CALN1: variants seen among roughly 807,000 people sequenced by gnomAD.
The protein encoded by CALN1 is calcium-binding protein 8.
A neutral mutation model predicts 30.6 loss-of-function variants in CALN1; 17 were observed. The observed-to-expected ratio is 0.56, with a 90% CI of 0.38 to 0.83. The LOEUF (loss-of-function observed/expected upper bound fraction) is 0.83. Among genes scored for constraint, CALN1 ranks in the 40% least tolerant of loss-of-function variants. CALN1 has a pLI of 0.00. For missense variants in CALN1, 291 were observed against 354.9 expected (o/e 0.82, Z 1.45); for synonymous variants, 156 against 131.4 (o/e 1.19, Z -1.28).
chr7:71,835,804 C>T (rs942171897), intron 5 of CALN1, among the ~76,000 whole-genome samples: 2 of 152,130 alleles, frequency 1.3e-5, no homozygotes, highest in Non-Finnish European at 2.9e-5. Flanking sequence ...TGAGGGCATC[C>T]GAGCAGCCAT....
intron 1 of CALN1, among the ~76,000 whole-genome samples, chr7:72,429,222 A>T (rs1464087791): frequency 6.6e-6 from 1 of 152,182 alleles, no homozygotes; most frequent in Admixed American, 6.5e-5. Flanking sequence ...GGATTCAGAT[A>T]TTGACATTAG....
chr7:72,144,048 T>A (rs1351283916), intron 3 of CALN1, among the ~76,000 whole-genome samples: 1 of 152,062 alleles, frequency 6.6e-6, no homozygotes, highest in African/African-American at 2.4e-5. Flanking sequence ...CCATCGAGGC[T>A]AGGAAGAAAC....
rs113614166 is a variant in CALN1 at position 71,831,259 on chromosome 7, T to C, written c.502-20767A>G. Among the ~76,000 whole-genome samples the C allele has an allele frequency of 8.5e-3, 1,289 of 152,202 alleles. 15 individuals are homozygous for C. Among genetic ancestry groups the C allele is most frequent in the African/African-American group, 0.029 (1,225 of 41,534 alleles). On this transcript the variant is annotated intron_variant, in intron 5 of 6. Coordinates refer to ENST00000395275, the MANE Select transcript of CALN1 (RefSeq NM_031468.4). Reference sequence around the variant, plus strand: ...ATTTTGGAAGGCCGAGGCAGGTGGATCATGAGATCAGGAGTTCAAGATCAG... The same window carrying C: ...ATTTTGGAAGGCCGAGGCAGGTGGACCATGAGATCAGGAGTTCAAGATCAG...
At chr7:72,259,053 C>T (rs921257215) in intron 3 of CALN1, among the ~76,000 whole-genome samples, 3 of 151,446 alleles carry the variant, frequency 2.0e-5, no homozygotes, top group Non-Finnish European at 2.9e-5. Context: ...TGCACTCCAG[C>T]CTGGGCGACA....
intron 5 of CALN1, among the ~76,000 whole-genome samples, chr7:72,001,101 G>T (rs1799506228): frequency 2.6e-5 from 4 of 151,990 alleles, no homozygotes; most frequent in Admixed American, 2.6e-4. Context: ...ACAGTAATTG[G>T]TTGTAGCCAG....
chr7:72,127,738 G>T (rs1465530265), intron 3 of CALN1, among the ~76,000 whole-genome samples: 1 of 152,166 alleles, frequency 6.6e-6, no homozygotes, highest in Admixed American at 6.5e-5. Context: ...TAGGGTGATG[G>T]CAACATTTGC....
intron 5 of CALN1, among the ~76,000 whole-genome samples, chr7:71,901,426 C>CA (rs35289312): frequency 0.02 from 2,695 of 132,660 alleles, 30 homozygotes; most frequent in South Asian, 0.036. Flanking sequence ...CATATGGAAC[C>CA]AAAAAAAAAA....
At chr7:72,117,718 G>A (rs12668647) in intron 3 of CALN1, among the ~76,000 whole-genome samples, 5 of 151,930 alleles carry the variant, frequency 3.3e-5, no homozygotes, top group African/African-American at 1.2e-4. Flanking sequence ...AGCACTTTGG[G>A]AGGCCAAGCT....
At chr7:72,425,078 G>A (rs1807753302) in intron 1 of CALN1, among the ~76,000 whole-genome samples, 1 of 152,130 alleles carries the variant, frequency 6.6e-6, no homozygotes, top group Admixed American at 6.6e-5. Flanking sequence ...AAGGACCTAA[G>A]GACCTCAGAG....
At chr7:71,874,279 T>TAAAAAAAAAA (rs57423286) in intron 5 of CALN1, among the ~76,000 whole-genome samples, 2 of 97,636 alleles carry the variant, frequency 2.0e-5, no homozygotes, top group Non-Finnish European at 2.0e-5. Context: ...TCTCAAACAT[T>TAAAAAAAAAA]AAAAAAAAAA....
intron 2 of CALN1, among the ~76,000 whole-genome samples, chr7:72,393,605 A>G (rs747865251): frequency 2.0e-5 from 3 of 152,188 alleles, no homozygotes; most frequent in Non-Finnish European, 2.9e-5. Flanking sequence ...ATCAGATGTC[A>G]GATGTACTCT....
upstream of CALN1, among the ~76,000 whole-genome samples, chr7:72,416,242 A>G (rs150152009): frequency 6.6e-6 from 1 of 152,318 alleles, no homozygotes; most frequent in Non-Finnish European, 1.5e-5. Context: ...CAATTTCTGA[A>G]TAGCCTGCTC....
At chr7:72,339,297 C>T (rs967055180) in intron 2 of CALN1, among the ~76,000 whole-genome samples, 12 of 152,086 alleles carry the variant, frequency 7.9e-5, no homozygotes, top group East Asian at 1.9e-4. Flanking sequence ...GATACCTCTT[C>T]GATATACTAA....
intron 2 of CALN1, among the ~76,000 whole-genome samples, chr7:72,335,235 A>C (rs778979380): frequency 2.6e-5 from 4 of 152,256 alleles, no homozygotes; most frequent in Non-Finnish European, 5.9e-5. Context: ...TATGAAAAAC[A>C]CGTCCTGTTC....
Position 71,974,821 on chromosome 7 carries a change from G to T in CALN1, c.501+48836C>A, listed in dbSNP as rs1798023354. Among the ~76,000 whole-genome samples the T allele has an allele frequency of 3.9e-5, 6 of 152,324 alleles. No homozygotes were observed. The South Asian group carries it at 1.2e-3, about 32-fold the overall frequency. ...CGGTCACCACCTGGCCTACGGCTCT[G>T]TAGCTCCGAGGTTGGACTGGTGCAA... On this transcript the variant is annotated intron_variant, in intron 5 of 6. Coordinates refer to ENST00000395275, the MANE Select transcript of CALN1 (RefSeq NM_031468.4).
At chr7:71,922,784 A>G (rs1396998860) in intron 5 of CALN1, among the ~76,000 whole-genome samples, 2 of 140,848 alleles carry the variant, frequency 1.4e-5, no homozygotes, top group Admixed American at 7.6e-5. Context: ...ATATAAATAT[A>G]TAACAGACCG....
At chr7:72,056,532 C>G (rs1440994086) in intron 4 of CALN1, among the ~76,000 whole-genome samples, 1 of 151,918 alleles carries the variant, frequency 6.6e-6, no homozygotes, top group Non-Finnish European at 1.5e-5. Flanking sequence ...TACTCTAGAA[C>G]ATGAATTAGA....
At chr7:72,294,322 A>C (rs759815147) in intron 2 of CALN1, among the ~76,000 whole-genome samples, 2 of 152,216 alleles carry the variant, frequency 1.3e-5, no homozygotes, top group South Asian at 2.1e-4. Flanking sequence ...AAAAACATTG[A>C]AGTACAGTGA....
intron 5 of CALN1, among the ~76,000 whole-genome samples, chr7:71,925,892 G>A (rs1341308076): frequency 6.6e-6 from 1 of 150,774 alleles, no homozygotes; most frequent in African/African-American, 2.5e-5. Context: ...CTCTCTCTGC[G>A]GCCCAGGCTG....
Sources: allele counts gnomAD v4.1 joint callset (sites outside exome capture counted in the v4.1 genomes callset), GRCh38; gene constraint gnomAD v4.1.1; transcripts MANE v1.5; gene names NCBI Gene and HGNC (gene_info 2026-07-23, HGNC 2026-07-21).